The following VPS13A variants were observed in gnomAD, a reference collection of about 807,000 sequenced individuals.
VPS13A encodes the protein vacuolar protein sorting 13 homolog A, also known as intermembrane lipid transfer protein VPS13A.
Under a neutral mutation model 390.9 loss-of-function variants are expected in VPS13A, and 264 were observed. That is an observed-to-expected ratio of 0.68 (90% confidence interval 0.61 to 0.75). The LOEUF (loss-of-function observed/expected upper bound fraction) is 0.75. Among genes scored for constraint, VPS13A ranks in the 30% least tolerant of loss-of-function variants. VPS13A has a pLI of 0.00. For synonymous variants in VPS13A, 1,231 were observed against 1,227.1 expected, an observed-to-expected ratio of 1.00 and a Z score of -0.07; for missense variants, 3,409 against 3,733.9, an observed-to-expected ratio of 0.91 and a Z score of 2.27.
chr9:77,220,562 T>G (rs948857979), intron 12 of VPS13A, among the ~76,000 whole-genome samples, 179 bp downstream of exon 12: 1 of 152,106 alleles, frequency 6.6e-6, no homozygotes, highest in Non-Finnish European at 1.5e-5. Flanking sequence ...TGAAACTGAT[T>G]TAAGGGATTC....
At chr9:77,286,629 G>A (rs72744276) in intron 31 of VPS13A, among the ~76,000 whole-genome samples, 6,541 of 152,078 alleles carry the variant, frequency 0.043, 210 homozygotes, top group Non-Finnish European at 0.062. Context: ...ACTTTCTTTC[G>A]CTTCTAAGAA....
chr9:77,343,554 A>T (rs1175792592), intron 50 of VPS13A, among the ~76,000 whole-genome samples: 1 of 152,126 alleles, frequency 6.6e-6, no homozygotes. Flanking sequence ...TCTTTTGTCC[A>T]GTCTTCTCTG....
At position 77,318,545 on chromosome 9, in the gene VPS13A, A is replaced by C. The variant is rs758036205; in HGVS notation, c.5267A>C (p.Lys1756Thr). 6.2e-7 allele frequency: 1 copy of C among 1,613,918 alleles called. No homozygotes were observed. The highest frequency in any genetic ancestry group is 2.2e-5 in the East Asian group (1 of 44,846). Residue 1756 changes from lysine to threonine, a missense_variant, in exon 41 of 72, where the codon AAA becomes ACA. Physicochemically the swap from Lys to Thr is moderately conservative, Grantham distance 78 (BLOSUM62 -1). Around this residue, in one of 5 missense-constraint regions of VPS13A, gnomAD observed 2,717 missense variants for 2,917.4 expected, o/e 0.93. Transcript: ENST00000360280. ...LAKSRFSGEG[K>T]NWSSLINLHC... is the part of the protein sequence containing the mutation. ...AAGTCACGTTTTTCAGGGGAAGGCA[A>C]AAACTGGAGTTCCCTAATAAATCTG...
intron 23 of VPS13A, among the ~76,000 whole-genome samples, chr9:77,266,836 A>G (rs1046106497): frequency 4.0e-5 from 6 of 151,728 alleles, no homozygotes; most frequent in Non-Finnish European, 4.4e-5. Flanking sequence ...ATAGTCCCAT[A>G]TTTCTTGGAA....
At position 77,382,059 on chromosome 9, in the gene VPS13A, G is replaced by C. The variant is rs1289264423; in HGVS notation, c.9161G>C (p.Arg3054Thr). ...GGAGTTATCAGACCGTACAGGTTGA[G>C]GGATGGGACTGGAAATCAAATGTTA... ...EDGVIRPYRLRDGTGNQMLQV... is the reference protein window; with the variant it reads ...EDGVIRPYRLTDGTGNQMLQV... The change falls in exon 68 of 72, where the codon AGG becomes ACG. Residue 3054 changes from arginine (R) to threonine (T), a missense_variant. Coordinates refer to ENST00000360280, the MANE Select transcript of VPS13A (RefSeq NM_033305.3). 3 of 1,607,826 alleles carry C rather than the reference G, an allele frequency of 1.9e-6. No homozygotes were observed. The East Asian group carries it at 6.7e-5, about 36-fold the overall frequency.
rs967823535 is a variant in VPS13A at position 77,418,927 on chromosome 9, C to T, written c.*2921C>T. On this transcript the variant is annotated 3_prime_UTR_variant, in exon 72 of 72. Coordinates refer to ENST00000360280, the MANE Select transcript of VPS13A (RefSeq NM_033305.3). Reference sequence around the variant, plus strand: ...AGGACTCTACACAGTGCTGAATTTCCTGCACCTAAATTATTCAGTTATCAC... The same window carrying T: ...AGGACTCTACACAGTGCTGAATTTCTTGCACCTAAATTATTCAGTTATCAC... 6 of 152,146 alleles carry T rather than the reference C, an allele frequency of 3.9e-5. No individual in the cohort carries two copies. Among genetic ancestry groups the T allele is most frequent in the African/African-American group, 1.4e-4 (6 of 41,428 alleles). 9.4% of individuals were successfully genotyped at this position (152,146 alleles called of 1,614,324 possible).
At chr9:77,247,939 G>A (rs949845993) in intron 20 of VPS13A, among the ~76,000 whole-genome samples, 11 of 152,158 alleles carry the variant, frequency 7.2e-5, no homozygotes, top group Non-Finnish European at 1.0e-4. Context: ...GATTACTGGC[G>A]TGAGCCACCG....
chr9:77,377,215 T>TTG (rs1332061746), intron 67 of VPS13A, among the ~76,000 whole-genome samples: 45 of 125,150 alleles, frequency 3.6e-4, no homozygotes, highest in Non-Finnish European at 4.9e-4. Flanking sequence ...TTTTTTTTTT[T>TTG]TTTTTTTTTT....
At chr9:77,335,481 A>G (rs1431761058) in intron 46 of VPS13A, among the ~76,000 whole-genome samples, 1 of 152,210 alleles carries the variant, frequency 6.6e-6, no homozygotes, top group Non-Finnish European at 1.5e-5. Flanking sequence ...TAATATCCAG[A>G]ATCTACAAAG....
chr9:77,340,128 A>T (rs1279244055), intron 48 of VPS13A, 50 bp from the exon 49 acceptor site: 2 of 1,549,008 alleles, frequency 1.3e-6, no homozygotes, highest in East Asian at 2.3e-5. Context: ...TTAAGCAGGA[A>T]TTTTTAAAGG....
intron 68 of VPS13A, chr9:77,382,844 G>A (rs1833512288): frequency 1.0e-6 from 1 of 985,256 alleles, no homozygotes; most frequent in Non-Finnish European, 1.2e-6. Context: ...ACAGTTTGAA[G>A]TTAGAATCTG....
intron 13 of VPS13A, among the ~76,000 whole-genome samples, chr9:77,225,628 C>T (rs1461388396): frequency 1.3e-5 from 2 of 152,108 alleles, no homozygotes; most frequent in Non-Finnish European, 2.9e-5. Flanking sequence ...TCATTTTAAA[C>T]AATGCATGTA....
intron 10 of VPS13A, among the ~76,000 whole-genome samples, chr9:77,218,293 T>C (rs1822981309): frequency 6.6e-6 from 1 of 152,058 alleles, no homozygotes; most frequent in Non-Finnish European, 1.5e-5. Context: ...TTTTGTACTT[T>C]AAATACAGAT....
chr9:77,396,766 TTAAA>T (rs1350209049), intron 68 of VPS13A, among the ~76,000 whole-genome samples: 2 of 152,206 alleles, frequency 1.3e-5, no homozygotes, highest in African/African-American at 2.4e-5. Flanking sequence ...TATTTACTTC[TTAAA>T]TAGTTTTAAA....
At chr9:77,399,075 C>A (rs959940856) in intron 68 of VPS13A, among the ~76,000 whole-genome samples, 2 of 138,736 alleles carry the variant, frequency 1.4e-5, no homozygotes, top group African/African-American at 5.3e-5. Flanking sequence ...CTAGATGACA[C>A]ATTAGTGGGT....
intron 19 of VPS13A, among the ~76,000 whole-genome samples, chr9:77,243,460 A>G (rs554089740): frequency 2.0e-5 from 3 of 152,078 alleles, no homozygotes; most frequent in Non-Finnish European, 4.4e-5. Context: ...CTTCCTTTCT[A>G]AGAACTCAAG....
chr9:77,256,249 A>G (rs1825437309), intron 22 of VPS13A, among the ~76,000 whole-genome samples: 1 of 151,936 alleles, frequency 6.6e-6, no homozygotes, highest in African/African-American at 2.4e-5. Context: ...CTTTGATCTC[A>G]TTGCTTGTTT....
chr9:77,188,240 G>A (rs2131066363), intron 1 of VPS13A, among the ~76,000 whole-genome samples: 1 of 152,322 alleles, frequency 6.6e-6, no homozygotes, highest in South Asian at 2.1e-4. Flanking sequence ...ACAGCTTGCA[G>A]AACCATGAGC....
intron 26 of VPS13A, among the ~76,000 whole-genome samples, chr9:77,277,441 C>G (rs1826748550): frequency 6.6e-6 from 1 of 152,080 alleles, no homozygotes; most frequent in Non-Finnish European, 1.5e-5. Flanking sequence ...TCGTAATTAC[C>G]AAGAGTCCAC....
Sources: allele counts gnomAD v4.1 joint callset (sites outside exome capture counted in the v4.1 genomes callset), GRCh38; gene constraint gnomAD v4.1.1; regional missense constraint gnomAD v4.1.1; transcripts MANE v1.5; gene names NCBI Gene and HGNC (gene_info 2026-07-23, HGNC 2026-07-21).